Variants in LYPD4 observed in about 807,000 individuals in gnomAD.
The protein encoded by LYPD4 is ly6/PLAUR domain-containing protein 4.
In LYPD4, 20 loss-of-function variants were observed where a neutral mutation model predicts 18.2. That is an observed-to-expected ratio of 1.10 (90% CI 0.77 to 1.59). The LOEUF (loss-of-function observed/expected upper bound fraction) is 1.59. Ranked by LOEUF, LYPD4 falls within the 40% of genes most tolerant of loss-of-function variation. The pLI, the probability that LYPD4 is intolerant of heterozygous loss-of-function variation, is 0.00. For missense variants in LYPD4, 278 were observed against 300.3 expected, an observed-to-expected ratio of 0.93 and a Z score of 0.55; for synonymous variants, 111 against 118.3, an observed-to-expected ratio of 0.94 and a Z score of 0.40.
intron 2 of LYPD4, 77 bp downstream of exon 2, chr19:41,839,142 G>GCCCT (rs1568761045): frequency 1.1e-5 from 17 of 1,612,684 alleles, no homozygotes; most frequent in Non-Finnish European, 1.4e-5. Context: ...TAGATACCCA[G>GCCCT]CCCTCGTTCC....
rs1188301674 is a variant in LYPD4, at chr19:41,843,714, G to C, written c.-257C>G. 6.6e-6 allele frequency: 1 copy of C among 151,886 alleles called. No individual in the cohort carries two copies. Among genetic ancestry groups the C allele is most frequent in the Non-Finnish European group, 1.5e-5 (1 of 68,060 alleles). 9.4% of individuals were successfully genotyped at this position (151,886 alleles called of 1,614,324 possible). On this transcript the variant is annotated 5_prime_UTR_variant, in exon 1 of 5. Coordinates refer to ENST00000609812, the MANE Select transcript of LYPD4 (RefSeq NM_173506.7). ...AATCTGTGGCCAAGAAAGGTGCCAA[G>C]ACCCGCAGAAAAGCTGGGACACAGG... is the stretch of plus-strand genomic sequence containing the variant.
At position 41,843,906 on chromosome 19, in the gene LYPD4, C is replaced by CAAAAAAAAA. The variant is rs869092949; in HGVS notation, c.-458_-450dup. ...AAAAGATTGAAGTGAAATCCTCAAG[C>CAAAAAAAAA]AAAAAAAAAAAAAAAAAAAAAAAAA... On this transcript the variant is annotated 5_prime_UTR_variant, in exon 1 of 5. Coordinates refer to ENST00000609812, the MANE Select transcript of LYPD4 (RefSeq NM_173506.7). 2 of 37,578 alleles carry CAAAAAAAAA rather than the reference C, an allele frequency of 5.3e-5. No individual in the cohort carries two copies. Among genetic ancestry groups the CAAAAAAAAA allele is most frequent in the African/African-American group, 3.5e-4 (2 of 5,656 alleles). The allele number at this position is 37,578 out of a possible 1,614,324, so 2.3% of individuals were successfully genotyped here. A position where few individuals can be genotyped will look rare whatever the true frequency, so the allele number is the denominator to read the frequency against.
chr19:41,841,038 A>G (rs920384547), intron 1 of LYPD4, among the ~76,000 whole-genome samples: 4 of 152,248 alleles, frequency 2.6e-5, no homozygotes, highest in Non-Finnish European at 4.4e-5. Flanking sequence ...AATAAGGATG[A>G]TAGCAGAAAT....
chr19:41,840,794 C>T (rs2123123593), intron 1 of LYPD4, among the ~76,000 whole-genome samples: 1 of 150,820 alleles, frequency 6.6e-6, no homozygotes, highest in East Asian at 1.9e-4. Flanking sequence ...TGCGACGCTG[C>T]ACTCCAGCCT....
chr19:41,838,085 T>C lies in LYPD4; in HGVS notation c.388A>G (p.Ser130Gly). Reference sequence around the variant, plus strand: ...GCAGATGTGATAGACTTAGGAGTGCTGGCCTTGAGTTTCACAAAAGGCTCC... The same window carrying C: ...GCAGATGTGATAGACTTAGGAGTGCCGGCCTTGAGTTTCACAAAAGGCTCC... The part of the protein sequence containing the change: ...NLEPFVKLKA[S>G]TPKSITSASC... The change falls in exon 4 of 5, where the codon AGC becomes GGC. Residue 130 changes from serine to glycine, a missense_variant. Physicochemically the swap from Ser to Gly is moderately conservative, Grantham distance 56. Transcript: ENST00000609812. 6.2e-7 allele frequency: 1 copy of C among 1,614,154 alleles called. No individual in the cohort carries two copies. The highest frequency in any genetic ancestry group is 8.5e-7 in the Non-Finnish European group (1 of 1,179,992).
chr19:41,841,321 C>G (rs187994628), intron 1 of LYPD4, among the ~76,000 whole-genome samples: 70 of 151,476 alleles, frequency 4.6e-4, no homozygotes, highest in Middle Eastern at 3.4e-3. Context: ...CAATTTGAGA[C>G]CAGCCTGGGC....
At chr19:41,840,477 C>T (rs552840802) in intron 1 of LYPD4, among the ~76,000 whole-genome samples, 94 of 152,306 alleles carry the variant, frequency 6.2e-4, no homozygotes, top group South Asian at 2.1e-3. Flanking sequence ...ATCCAAGGGA[C>T]TCTATGTACC....
At chr19:41,835,153 C>T (rs2123058066), downstream of LYPD4, 1 of 152,170 alleles carries the variant, frequency 6.6e-6, no homozygotes, top group Non-Finnish European at 1.5e-5. Flanking sequence ...CCAATCCAAG[C>T]CAAACTAAAT....
upstream of LYPD4, chr19:41,844,712 C>T (rs1347575640): frequency 6.6e-6 from 1 of 152,294 alleles, no homozygotes; most frequent in Non-Finnish European, 1.5e-5. Context: ...CCAGGCGGGC[C>T]GTTCCTGGGG....
rs2073733377 is a variant in LYPD4 at position 41,843,757 on chromosome 19, G to GACA, written c.-303_-301dup. ...GACACAGGAAAGAGAAACGAAGGCT[G>GACA]ACAACAGATCTCACGGGGGTGAGGG... On this transcript the variant is annotated 5_prime_UTR_variant, in exon 1 of 5. Transcript: ENST00000609812. The GACA allele has an allele frequency of 6.6e-6, 1 of 152,076 alleles. No homozygotes were observed. The highest frequency in any genetic ancestry group is 1.5e-5 in the Non-Finnish European group (1 of 68,118). The allele number at this position is 152,076 out of a possible 1,614,324, so 9.4% of individuals were successfully genotyped here. A position where few individuals can be genotyped will look rare whatever the true frequency, so the allele number is the denominator to read the frequency against.
downstream of LYPD4, among the ~76,000 whole-genome samples, chr19:41,836,387 G>T (rs1555830331): frequency 2.8e-5 from 4 of 142,622 alleles, no homozygotes. Context: ...AATTGCCTCA[G>T]CAGGGACAGA....
At chr19:41,835,831 G>A (rs2073364399), downstream of LYPD4, 1 of 985,280 alleles carries the variant, frequency 1.0e-6, no homozygotes, top group Admixed American at 6.2e-5. Context: ...TCAGCTCCGT[G>A]GCCTTGAGGA....
chr19:41,837,155 G>C lies in LYPD4; in HGVS notation c.729C>G (p.Ala243=). 8 of 1,613,954 alleles carry C rather than the reference G, an allele frequency of 5.0e-6. No individual in the cohort carries two copies. Among genetic ancestry groups the C allele is most frequent in the Non-Finnish European group, 6.8e-6 (8 of 1,179,888 alleles). The change falls in exon 5 of 5, where the codon GCC becomes GCG. Residue 243 remains alanine, a synonymous_variant. Transcript: ENST00000609812. ...TGCAGCTAGATGGTCAGTCCCTGAA[G>C]GCAAACAGGAGGCCTAAGACGACAC... The part of the protein sequence containing the change: ...AWGVVLGLLF[A]FRD
chr19:41,840,546 T>C (rs2073549193), intron 1 of LYPD4, among the ~76,000 whole-genome samples: 1 of 152,084 alleles, frequency 6.6e-6, no homozygotes, highest in South Asian at 2.1e-4. Flanking sequence ...TTTTAAAATA[T>C]ATACAGCCGG....
intron 3 of LYPD4, 108 bp downstream of exon 3, chr19:41,838,773 G>A: frequency 1.4e-5 from 11 of 761,154 alleles, no homozygotes; most frequent in South Asian, 9.1e-5. Context: ...ATATATATAT[G>A]TATAGTAACT....
chr19:41,839,564 T>A, intron 1 of LYPD4, 159 bp from the exon 2 acceptor site: 1 of 481,998 alleles, frequency 2.1e-6, no homozygotes, highest in Non-Finnish European at 3.7e-6. Context: ...CCCACTTAGG[T>A]CCTCCCATTG....
At chr19:41,836,140 T>C (rs1339094417), downstream of LYPD4, among the ~76,000 whole-genome samples, 2 of 151,254 alleles carry the variant, frequency 1.3e-5, no homozygotes, top group Non-Finnish European at 2.9e-5. Context: ...GGCATGAAGT[T>C]GCAGGGTGAG....
At chr19:41,838,349 C>G in intron 3 of LYPD4, 88 bp from the exon 4 acceptor site, 1 of 1,194,444 alleles carries the variant, frequency 8.4e-7, no homozygotes, top group Non-Finnish European at 1.1e-6. Context: ...CTGCACCCAC[C>G]CTGCCTGTCA....
intron 2 of LYPD4, 79 bp from the exon 3 acceptor site, chr19:41,839,103 C>A: frequency 1.2e-6 from 2 of 1,608,862 alleles, no homozygotes; most frequent in South Asian, 1.1e-5. Context: ...AAGAGTTCAG[C>A]CCCCACAGGT....
Sources: gnomAD v4.1 joint callset for allele counts (sites outside exome capture counted in the v4.1 genomes callset) on GRCh38, gnomAD v4.1.1 for gene constraint, MANE v1.5 for transcripts, NCBI Gene and HGNC (gene_info 2026-07-23, HGNC 2026-07-21) for gene names.